CREG2: variants seen among roughly 807,000 people sequenced by gnomAD.
The protein encoded by CREG2 is cellular repressor of E1A stimulated genes 2.
In CREG2, 24 loss-of-function variants were observed where a neutral mutation model predicts 26.2. The ratio of observed to expected loss-of-function variants is 0.92; its 90% CI spans 0.66 to 1.29. The LOEUF is 1.29. Among genes scored for constraint, CREG2 ranks in the 50% most tolerant of loss-of-function variants. CREG2 has a pLI of 0.00. For synonymous variants in CREG2, 174 were observed against 169.2 expected (o/e 1.03, Z -0.22); for missense variants, 366 against 398.6 (o/e 0.92, Z 0.70).
intron 2 of CREG2, among the ~76,000 whole-genome samples, chr2:101,369,274 G>C (rs559417261): frequency 3.3e-4 from 50 of 152,254 alleles, no homozygotes; most frequent in Non-Finnish European, 6.6e-4. Flanking sequence ...CAGTGAGTCG[G>C]GAGAAGCCTG....
intron 2 of CREG2, chr2:101,383,048 T>C (rs1684902828): frequency 2.1e-6 from 2 of 963,632 alleles, no homozygotes; most frequent in African/African-American, 3.5e-5. Context: ...AAAAAGTGAA[T>C]TAAAAAATGC....
intron 2 of CREG2, among the ~76,000 whole-genome samples, chr2:101,374,211 C>G (rs1254454114): frequency 6.6e-6 from 1 of 152,194 alleles, no homozygotes; most frequent in Non-Finnish European, 1.5e-5. Flanking sequence ...AACCCCATCT[C>G]AACTAAAAAT....
At chr2:101,384,213 G>A (rs2104488669) in intron 1 of CREG2, among the ~76,000 whole-genome samples, 1 of 152,134 alleles carries the variant, frequency 6.6e-6, no homozygotes, top group Middle Eastern at 3.4e-3. Context: ...TTTCTTTTAG[G>A]GCTGCATCAC....
At chr2:101,372,780 C>G (rs958148254) in intron 2 of CREG2, among the ~76,000 whole-genome samples, 2 of 152,254 alleles carry the variant, frequency 1.3e-5, no homozygotes, top group African/African-American at 4.8e-5. Context: ...TATAAAGACT[C>G]TTACAACTCA....
In CREG2 at chr2:101,350,719, T is replaced by C. The variant is rs1326272502; in HGVS notation, c.*204A>G. 1.1e-5 allele frequency: 6 copies of C among 565,914 alleles called. No individual in the cohort carries two copies. Among genetic ancestry groups the C allele is most frequent in the Admixed American group, 3.1e-5 (1 of 32,108 alleles). The allele number at this position is 565,914 out of a possible 1,614,324, so 35.1% of individuals were successfully genotyped here. A position where few individuals can be genotyped will look rare whatever the true frequency, so the allele number is the denominator to read the frequency against. On this transcript the variant is annotated 3_prime_UTR_variant, in exon 4 of 4. Coordinates refer to ENST00000324768, the MANE Select transcript of CREG2 (RefSeq NM_153836.4). The stretch of plus-strand genomic sequence containing the variant: ...ATAAAGACTATCTACGTGAAGTATC[T>C]GTGTGAGTTGGAGATCTGCAAATGA...
intron 2 of CREG2, among the ~76,000 whole-genome samples, chr2:101,362,721 A>G (rs986350345): frequency 2.0e-5 from 3 of 152,198 alleles, no homozygotes. Flanking sequence ...TCTCTCCTTC[A>G]GGCCAGTGGA....
chr2:101,385,842 G>C (rs997909853), intron 1 of CREG2, among the ~76,000 whole-genome samples: 15 of 152,182 alleles, frequency 9.9e-5, no homozygotes, highest in African/African-American at 3.4e-4. Flanking sequence ...TTAGAAAGAG[G>C]AACTCCTAAC....
rs569871298 is a variant in CREG2, at chr2:101,369,032, G to A, written c.612-13666C>T. Among the ~76,000 whole-genome samples, 6 of 152,326 alleles carry A rather than the reference G, an allele frequency of 3.9e-5. No homozygotes were observed. The South Asian group carries it at 8.3e-4, about 21-fold the overall frequency. On this transcript the variant is annotated intron_variant, in intron 2 of 3. Coordinates refer to ENST00000324768, the MANE Select transcript of CREG2 (RefSeq NM_153836.4). The stretch of plus-strand genomic sequence containing the variant: ...TGATGTCCGAGGCTGGAACTGTGCC[G>A]GGGTGGGCCATTTAGGCTTCGCAGG...
chr2:101,365,024 C>T (rs1181889667), intron 2 of CREG2, among the ~76,000 whole-genome samples: 1 of 152,142 alleles, frequency 6.6e-6, no homozygotes, highest in Non-Finnish European at 1.5e-5. Flanking sequence ...GGATGTGGTG[C>T]TTTTGCTAGC....
intron 2 of CREG2, among the ~76,000 whole-genome samples, chr2:101,370,167 T>C (rs1259026145): frequency 6.6e-6 from 1 of 152,194 alleles, no homozygotes; most frequent in Non-Finnish European, 1.5e-5. Context: ...TGCTAACAAG[T>C]GTACCTCTGT....
chr2:101,381,631 A>G (rs1326803294), intron 2 of CREG2, among the ~76,000 whole-genome samples: 1 of 152,234 alleles, frequency 6.6e-6, no homozygotes, highest in African/African-American at 2.4e-5. Flanking sequence ...GGGGTATAGC[A>G]GTTCTGAGAA....
chr2:101,374,666 C>T (rs1278858612), intron 2 of CREG2, among the ~76,000 whole-genome samples: 1 of 152,192 alleles, frequency 6.6e-6, no homozygotes, highest in Non-Finnish European at 1.5e-5. Context: ...AGCAGGTGCT[C>T]ACTGTGTGTT....
intron 2 of CREG2, among the ~76,000 whole-genome samples, chr2:101,359,287 T>C (rs1335996220): frequency 6.6e-6 from 1 of 152,240 alleles, no homozygotes; most frequent in Non-Finnish European, 1.5e-5. Context: ...TGGGGTGGGC[T>C]GTCTGCATGT....
intron 2 of CREG2, among the ~76,000 whole-genome samples, chr2:101,363,813 G>T (rs1684579394): frequency 6.6e-6 from 1 of 151,514 alleles, no homozygotes; most frequent in South Asian, 2.1e-4. Flanking sequence ...TCATGCCATT[G>T]CACTCCAGCC....
chr2:101,355,263 T>C lies in CREG2; in HGVS notation c.715A>G (p.Met239Val), dbSNP rs765269439. ...PEEVEFAKQA[M>V]FSRHPGMRKW... ...AAAGCATTTACACACCTTGAAAACATGGCTTGCTTGGCAAATTCTACTTCT... is the reference window on the plus strand; with the variant it reads ...AAAGCATTTACACACCTTGAAAACACGGCTTGCTTGGCAAATTCTACTTCT... Residue 239 changes from methionine (M) to valine (V), a missense_variant, in exon 3 of 4, where the codon ATG becomes GTG. Transcript: ENST00000324768. 1.9e-6 allele frequency: 3 copies of C among 1,608,682 alleles called. No homozygotes were observed. The highest frequency in any genetic ancestry group is 4.5e-5 in the East Asian group (2 of 44,850).
chr2:101,369,418 G>T (rs1349879301), intron 2 of CREG2, among the ~76,000 whole-genome samples: 1 of 152,140 alleles, frequency 6.6e-6, no homozygotes, highest in Non-Finnish European at 1.5e-5. Flanking sequence ...AAGAAGCGGG[G>T]TTCGAGGTGC....
chr2:101,371,462 C>G (rs1684705797), intron 2 of CREG2, among the ~76,000 whole-genome samples: 1 of 152,212 alleles, frequency 6.6e-6, no homozygotes. Flanking sequence ...TTGGAACTGT[C>G]TGTAGAGACC....
chr2:101,387,353 C>T lies in CREG2; in HGVS notation c.105G>A (p.Val35=). ...TGGTGACGGCCCAAGACACGGAGCT[C>T]ACGATCACGTAGCCCGCGGCCGGGG... ...LLSPAAGYVI[V]SSVSWAVTNE... Residue 35 remains valine (V), a synonymous_variant, in exon 1 of 4, where the codon GTG becomes GTA. Transcript: ENST00000324768. The surrounding 1 kb of genome is among the most constrained non-coding windows in gnomAD (Gnocchi z 4.7). The T allele has an allele frequency of 6.7e-7, 1 of 1,490,676 alleles. No homozygotes were observed. Among genetic ancestry groups the T allele is most frequent in the Non-Finnish European group, 9.0e-7 (1 of 1,114,072 alleles). The allele number at this position is 1,490,676 out of a possible 1,614,324, so 92.3% of individuals were successfully genotyped here. A position where few individuals can be genotyped will look rare whatever the true frequency, so the allele number is the denominator to read the frequency against.
intron 2 of CREG2, among the ~76,000 whole-genome samples, chr2:101,366,267 T>C (rs1459173186): frequency 6.6e-6 from 1 of 152,232 alleles, no homozygotes; most frequent in Non-Finnish European, 1.5e-5. Context: ...TATTTGTGTT[T>C]ACCCACAGAT....
Sources: gnomAD v4.1 joint callset for allele counts (sites outside exome capture counted in the v4.1 genomes callset) on GRCh38, gnomAD v4.1.1 for gene constraint, Gnocchi (gnomAD v3.1) non-coding constraint, MANE v1.5 for transcripts, NCBI Gene and HGNC (gene_info 2026-07-23, HGNC 2026-07-21) for gene names.